The following RABGAP1L variants were observed in gnomAD, a reference collection of about 807,000 sequenced individuals.
RABGAP1L encodes the protein RAB GTPase activating protein 1 like, also known as rab GTPase-activating protein 1-like.
RABGAP1L carries 63 observed loss-of-function variants against 137.7 expected under a neutral mutation model. The observed-to-expected ratio is 0.46, with a 90% CI of 0.37 to 0.56. The LOEUF is 0.56. Ranked by LOEUF, RABGAP1L falls within the 20% of genes least tolerant of loss-of-function variation. The probability of loss-of-function intolerance (pLI) is 0.00; values close to 1 mark genes in which losing one functional copy is unlikely to be tolerated. For synonymous variants in RABGAP1L, 431 were observed against 433.7 expected (o/e 0.99, Z 0.08); for missense variants, 1,095 against 1,244.0 (o/e 0.88, Z 1.80).
At chr1:174,796,298 C>T (rs1341402977) in intron 18 of RABGAP1L, among the ~76,000 whole-genome samples, 3 of 152,034 alleles carry the variant, frequency 2.0e-5, no homozygotes, top group Non-Finnish European at 2.9e-5. Flanking sequence ...GACGCCATTT[C>T]AAAAGAAGAA....
Position 174,709,083 on chromosome 1 carries a change from C to T in RABGAP1L, c.2169+6827C>T, listed in dbSNP as rs181935289. ...AATTCGAACTAGTTGTGGAACCCAC[C>T]GCAGTGCAGCAAAGCTGCTGTAGCC... On this transcript the variant is annotated intron_variant, in intron 17 of 25. Coordinates refer to ENST00000681986, the MANE Select transcript of RABGAP1L (RefSeq NM_001366446.1). Among the ~76,000 whole-genome samples the T allele has an allele frequency of 2.0e-4, 30 of 152,302 alleles. No individual in the cohort carries two copies. The East Asian group carries it at 3.3e-3, about 17-fold the overall frequency.
intron 13 of RABGAP1L, among the ~76,000 whole-genome samples, chr1:174,516,650 G>A (rs1360337059): frequency 6.6e-6 from 1 of 152,164 alleles, no homozygotes; most frequent in East Asian, 1.9e-4. Context: ...AGTACACACT[G>A]TGTGCCAAGC....
chr1:174,387,827 AAACT>A (rs1192596666), intron 12 of RABGAP1L, among the ~76,000 whole-genome samples: 3 of 152,092 alleles, frequency 2.0e-5, no homozygotes, highest in African/African-American at 7.2e-5. Context: ...CTGTTTTAAA[AAACT>A]AACATAATTG....
chr1:174,344,425 G>A (rs1327266882), intron 11 of RABGAP1L, among the ~76,000 whole-genome samples: 1 of 152,126 alleles, frequency 6.6e-6, no homozygotes, highest in East Asian at 1.9e-4. Flanking sequence ...CTTCTTTAGG[G>A]ACCTTGTGTC....
intron 5 of RABGAP1L, chr1:174,244,856 TTGA>T (rs1168247797): frequency 2.0e-5 from 3 of 152,268 alleles, no homozygotes; most frequent in African/African-American, 4.8e-5. Flanking sequence ...AAAGCAGATT[TTGA>T]TGATATTTGT....
chr1:174,963,078 G>A (rs1291499833), intron 20 of RABGAP1L, among the ~76,000 whole-genome samples: 1 of 150,600 alleles, frequency 6.6e-6, no homozygotes, highest in Non-Finnish European at 1.5e-5. Flanking sequence ...CTGCCTGGGT[G>A]ACAGAGCAAG....
intron 19 of RABGAP1L, among the ~76,000 whole-genome samples, chr1:174,936,914 C>CAT (rs981414928): frequency 1.3e-5 from 2 of 149,370 alleles, no homozygotes; most frequent in Non-Finnish European, 3.0e-5. Flanking sequence ...GGACAACTGT[C>CAT]ATATACATCA....
chr1:174,322,367 A>G (rs976312402), intron 11 of RABGAP1L, among the ~76,000 whole-genome samples: 1 of 152,140 alleles, frequency 6.6e-6, no homozygotes, highest in Non-Finnish European at 1.5e-5. Context: ...TCTGGCTAAG[A>G]CTTTCTCATG....
chr1:174,614,121 G>C (rs1671548399), intron 13 of RABGAP1L, among the ~76,000 whole-genome samples: 1 of 151,876 alleles, frequency 6.6e-6, no homozygotes, highest in African/African-American at 2.4e-5. Flanking sequence ...TGGTGATTTT[G>C]CTTGTTAGTT....
intron 4 of RABGAP1L, among the ~76,000 whole-genome samples, chr1:174,233,935 C>T (rs1268922432): frequency 2.3e-5 from 3 of 128,852 alleles, no homozygotes; most frequent in Admixed American, 7.5e-5. Context: ...CTGTTGTTTC[C>T]TGACTTTTTA....
chr1:174,925,514 A>G (rs1417030820), intron 19 of RABGAP1L, among the ~76,000 whole-genome samples: 1 of 152,040 alleles, frequency 6.6e-6, no homozygotes, highest in African/African-American at 2.4e-5. Flanking sequence ...GACGTAGAAT[A>G]GCCGGGGAGA....
At chr1:174,189,975 G>C (rs10912741) in intron 1 of RABGAP1L, among the ~76,000 whole-genome samples, 44,812 of 151,944 alleles carry the variant, frequency 0.29, 7,033 homozygotes, top group African/African-American at 0.37. Flanking sequence ...CTGTTCTGCC[G>C]TTCTGCTCAG....
intron 18 of RABGAP1L, among the ~76,000 whole-genome samples, chr1:174,782,150 C>G (rs974089941): frequency 1.3e-5 from 2 of 152,134 alleles, no homozygotes; most frequent in Non-Finnish European, 2.9e-5. Flanking sequence ...TATAAATTAC[C>G]TTGGGCAGTA....
chr1:174,882,677 T>A (rs6696432), intron 19 of RABGAP1L, among the ~76,000 whole-genome samples: 19,465 of 152,206 alleles, frequency 0.13, 4,130 homozygotes, highest in African/African-American at 0.44. Flanking sequence ...TTACATAAAT[T>A]ACAGATAAGA....
chr1:174,495,923 T>C (rs1660692899), intron 13 of RABGAP1L, among the ~76,000 whole-genome samples: 1 of 152,180 alleles, frequency 6.6e-6, no homozygotes, highest in African/African-American at 2.4e-5. Flanking sequence ...TCTTGCTGTG[T>C]TACCCAGGTT....
chr1:174,662,879 A>G lies in RABGAP1L; in HGVS notation c.1825-20643A>G, dbSNP rs577504341. Among the ~76,000 whole-genome samples the G allele has an allele frequency of 2.3e-4, 35 of 152,338 alleles. 1 individual carries two copies. The South Asian group carries it at 7.3e-3, about 32-fold the overall frequency. On this transcript the variant is annotated intron_variant, in intron 14 of 25. Coordinates refer to ENST00000681986, the MANE Select transcript of RABGAP1L (RefSeq NM_001366446.1). ...AAAACAGCTTAAAAAGTAAAAACAA[A>G]TAAATGAAAAAATTTTAAGTAGAAA...
chr1:174,288,115 AT>A (rs938473525), intron 10 of RABGAP1L, among the ~76,000 whole-genome samples: 14 of 151,986 alleles, frequency 9.2e-5, no homozygotes, highest in African/African-American at 3.1e-4. Context: ...TTACTCCCCC[AT>A]CTCTCATATT....
In RABGAP1L at chr1:174,486,806, C is replaced by G. The variant is rs1249824801; in HGVS notation, c.1710+92661C>G. On this transcript the variant is annotated intron_variant, in intron 13 of 25. Coordinates refer to ENST00000681986, the MANE Select transcript of RABGAP1L (RefSeq NM_001366446.1). ...ATAAACTTTCCTCTCAGTGCTGTAT[C>G]CTGTAGGTTTTGGTATGTTATATTT... Among the ~76,000 whole-genome samples, 4 of 151,974 alleles carry G rather than the reference C, an allele frequency of 2.6e-5. No individual in the cohort carries two copies. The East Asian group carries it at 7.7e-4, about 29-fold the overall frequency.
intron 19 of RABGAP1L, among the ~76,000 whole-genome samples, chr1:174,928,499 A>AT (rs1663198385): frequency 6.6e-6 from 1 of 152,000 alleles, no homozygotes; most frequent in East Asian, 1.9e-4. Context: ...ACAGGCAATG[A>AT]TTGAGATAAA....
Sources: gnomAD v4.1 joint callset for allele counts (sites outside exome capture counted in the v4.1 genomes callset) on GRCh38, gnomAD v4.1.1 for gene constraint, MANE v1.5 for transcripts, NCBI Gene and HGNC (gene_info 2026-07-23, HGNC 2026-07-21) for gene names.